Variants in SPHK2 observed in about 807,000 individuals in gnomAD.
SPHK2 encodes sphingosine kinase 2.
In SPHK2, 18 loss-of-function variants were observed where a neutral mutation model predicts 32.3. The observed-to-expected ratio is 0.56, with a 90% CI of 0.39 to 0.83. The LOEUF is 0.83. Ranked by LOEUF, SPHK2 falls within the 40% of genes least tolerant of loss-of-function variation. The pLI is 0.00. For synonymous variants in SPHK2, 462 were observed against 417.6 expected, an observed-to-expected ratio of 1.11 and a Z score of -1.30; for missense variants, 850 against 908.7, an observed-to-expected ratio of 0.94 and a Z score of 0.83.
chr19:48,621,888 C>A (rs1974419057), intron 2 of SPHK2, among the ~76,000 whole-genome samples: 1 of 152,150 alleles, frequency 6.6e-6, no homozygotes, highest in Non-Finnish European at 1.5e-5. Context: ...ACAGGGTCTT[C>A]ACGATGCCTG....
chr19:48,625,402 G>C (rs1221838561), intron 2 of SPHK2: 7 of 1,179,644 alleles, frequency 5.9e-6, no homozygotes, highest in Non-Finnish European at 7.5e-6. Context: ...CGTATGGGGG[G>C]TGGGGGTGTC....
At chr19:48,622,128 G>A (rs1974428997) in intron 2 of SPHK2, among the ~76,000 whole-genome samples, 1 of 152,162 alleles carries the variant, frequency 6.6e-6, no homozygotes, top group Non-Finnish European at 1.5e-5. Context: ...ATGGTGGCGC[G>A]CGCCTGTAGT....
rs2030178334 is a variant in SPHK2 at position 48,628,407 on chromosome 19, C to T, written c.872+130C>T. 9.8e-7 allele frequency: 1 copy of T among 1,017,614 alleles called. No homozygotes were observed. The highest frequency in any genetic ancestry group is 1.5e-6 in the Non-Finnish European group (1 of 649,362). 63.0% of individuals were successfully genotyped at this position (1,017,614 alleles called of 1,614,324 possible). A position where few individuals can be genotyped will look rare whatever the true frequency, so the allele number is the denominator to read the frequency against. ...CTGCCTGTGGGATGCTCACCCCCAGCTCCTGGACATTTTTGCCTGCCTGCT... is the reference window on the plus strand; with the variant it reads ...CTGCCTGTGGGATGCTCACCCCCAGTTCCTGGACATTTTTGCCTGCCTGCT... On this transcript the variant is annotated intron_variant, in intron 6 of 6. Coordinates refer to ENST00000245222, the MANE Select transcript of SPHK2 (RefSeq NM_020126.5). The surrounding 1 kb of genome is among the most constrained non-coding windows in gnomAD (Gnocchi z 5.2).
intron 1 of SPHK2, 132 bp from the exon 2 acceptor site, chr19:48,620,270 A>G (rs1230433442): frequency 2.0e-6 from 1 of 497,766 alleles, no homozygotes; most frequent in African/African-American, 1.9e-5. Context: ...GGCAGTGATT[A>G]AAATGACTTA....
chr19:48,629,231 C>T lies in SPHK2; in HGVS notation c.1423C>T (p.Pro475Ser), dbSNP rs1284969660. ...CCCGGACCCACTGCTGTCTTCACCTCCTGGCTCTCCCAAGGCAGCTCTACA... is the reference window on the plus strand; with the variant it reads ...CCCGGACCCACTGCTGTCTTCACCTTCTGGCTCTCCCAAGGCAGCTCTACA... ...LSPDPLLSSPPGSPKAALHSP... is the reference protein window; with the variant it reads ...LSPDPLLSSPSGSPKAALHSP... Residue 475 changes from proline (P) to serine (S), a missense_variant, in exon 7 of 7, where the codon CCT (proline) becomes TCT (serine). This residue lies in a region of SPHK2 where 306 missense variants were observed against 268.6 expected (regional missense o/e 1.14). Transcript: ENST00000245222. The T allele has an allele frequency of 1.2e-6, 2 of 1,613,486 alleles. No homozygotes were observed. Among genetic ancestry groups the T allele is most frequent in the Non-Finnish European group, 1.7e-6 (2 of 1,179,926 alleles).
At position 48,629,651 on chromosome 19, in the gene SPHK2, C is replaced by T. The variant is rs1473378925; in HGVS notation, c.1843C>T (p.Pro615Ser). 6.2e-7 allele frequency: 1 copy of T among 1,603,736 alleles called. No individual in the cohort carries two copies. The highest frequency in any genetic ancestry group is 8.5e-7 in the Non-Finnish European group (1 of 1,176,052). Residue 615 changes from proline to serine, a missense_variant, in exon 7 of 7, where the codon CCA (proline) becomes TCA (serine). Pro to Ser is a moderately conservative substitution (Grantham distance 74). This residue lies in a region of SPHK2 where 306 missense variants were observed against 268.6 expected (regional missense o/e 1.14). Coordinates refer to ENST00000245222, the MANE Select transcript of SPHK2 (RefSeq NM_020126.5). The stretch of plus-strand genomic sequence containing the variant: ...TGCCTTCCGCCTAGAGCCGCTCACA[C>T]CACGCGGCGTGCTCACAGTGGACGG... ...ARAFRLEPLTPRGVLTVDGEQ... is the reference protein window; with the variant it reads ...ARAFRLEPLTSRGVLTVDGEQ...
At chr19:48,621,100 G>A (rs2147668072) in intron 2 of SPHK2, among the ~76,000 whole-genome samples, 1 of 151,980 alleles carries the variant, frequency 6.6e-6, no homozygotes, top group South Asian at 2.1e-4. Context: ...TTATTTTGAG[G>A]TGGAGTTTCG....
Position 48,628,695 on chromosome 19 carries a change from T to A in SPHK2, c.887T>A (p.Leu296Gln), listed in dbSNP as rs1231054613. ...VNQHGGFEPA[L>Q]GLDLLLNCSL... ...CGGCTGTGAAGATTTGAGCCAGCCC[T>A]GGGCCTCGACCTGTTGCTCAACTGC... The change falls in exon 7 of 7, where the codon CTG becomes CAG. Residue 296 changes from leucine to glutamine, a missense_variant. By Grantham distance (113) the Leu-to-Gln change is moderately radical. Transcript: ENST00000245222. The surrounding 1 kb of genome is among the most constrained non-coding windows in gnomAD (Gnocchi z 5.2). 3.1e-6 allele frequency: 5 copies of A among 1,611,522 alleles called. No individual in the cohort carries two copies. The highest frequency in any genetic ancestry group is 3.4e-6 in the Non-Finnish European group (4 of 1,179,800).
At chr19:48,627,389 G>A (rs1205951491) in intron 3 of SPHK2, among the ~76,000 whole-genome samples, 1 of 152,220 alleles carries the variant, frequency 6.6e-6, no homozygotes, top group Non-Finnish European at 1.5e-5. Flanking sequence ...GCCCCTAAGG[G>A]CTGGAAGTAA....
In SPHK2 at chr19:48,629,020, C is replaced by G. The variant is rs1226150008; in HGVS notation, c.1212C>G (p.Thr404=). 1.9e-6 allele frequency: 3 copies of G among 1,613,408 alleles called. No individual in the cohort carries two copies. In the Admixed American group the frequency reaches 5.0e-5, roughly 27 times the overall value. ...LPRAKSELTL[T]PDPAPPMAHS... The stretch of plus-strand genomic sequence containing the variant: ...GTGCCAAGTCGGAGCTGACCCTAAC[C>G]CCAGACCCAGCCCCGCCCATGGCCC... The change falls in exon 7 of 7, where the codon ACC becomes ACG. Residue 404 remains threonine (T), a synonymous_variant. Coordinates refer to ENST00000245222, the MANE Select transcript of SPHK2 (RefSeq NM_020126.5).
chr19:48,620,342 C>G (rs1486143002), intron 1 of SPHK2, 60 bp from the exon 2 acceptor site: 1 of 552,510 alleles, frequency 1.8e-6, no homozygotes, highest in Non-Finnish European at 3.2e-6. Flanking sequence ...CACATTGAGC[C>G]TGGAAGGGCC....
rs759430723 is a variant in SPHK2 at position 48,628,849 on chromosome 19, C to T, written c.1041C>T (p.Ser347=). ...TCGTGTCAGATGTGGATATCCAGAG[C>T]GAGCGCTTCAGGGCCTTGGGCAGTG... is the stretch of plus-strand genomic sequence containing the variant. ...WGFVSDVDIQ[S]ERFRALGSAR... is the part of the protein sequence containing the mutation. The change falls in exon 7 of 7, where the codon AGC becomes AGT. Residue 347 remains serine (S), a synonymous_variant. Transcript: ENST00000245222. This position sits in a 1 kb window ranked among gnomAD's most constrained non-coding sequence, Gnocchi z 5.2. The T allele has an allele frequency of 3.1e-6, 5 of 1,613,652 alleles. No homozygotes were observed. Among genetic ancestry groups the T allele is most frequent in the Admixed American group, 1.7e-5 (1 of 60,012 alleles).
intron 2 of SPHK2, chr19:48,625,051 T>C: frequency 1.0e-6 from 1 of 992,148 alleles, no homozygotes. Flanking sequence ...ACCCGCTCCC[T>C]GGAGAGCAGG....
In SPHK2 at chr19:48,629,154, G is replaced by A; in HGVS notation, c.1346G>A (p.Gly449Glu). Residue 449 changes from glycine (G) to glutamate (E), a missense_variant, in exon 7 of 7, where the codon GGG becomes GAG. Around this residue, in one of 2 missense-constraint regions of SPHK2, gnomAD observed 544 missense variants for 640.0 expected, o/e 0.85. Coordinates refer to ENST00000245222, the MANE Select transcript of SPHK2 (RefSeq NM_020126.5). Reference sequence around the variant, plus strand: ...CTGCCCATCCTGTCCCTCAACGGTGGGGGCCCAGAGCTGGCTGGGGACTGG... The same window carrying A: ...CTGCCCATCCTGTCCCTCAACGGTGAGGGCCCAGAGCTGGCTGGGGACTGG... ...EPLPILSLNG[G>E]GPELAGDWGG... 6.2e-7 allele frequency: 1 copy of A among 1,613,434 alleles called. No homozygotes were observed. The highest frequency in any genetic ancestry group is 1.7e-5 in the Admixed American group (1 of 60,026).
chr19:48,628,699 C>T lies in SPHK2; in HGVS notation c.891C>T (p.Gly297=), dbSNP rs772364910. 45 of 1,611,794 alleles carry T rather than the reference C, an allele frequency of 2.8e-5. No individual in the cohort carries two copies. The Middle Eastern group carries it at 8.2e-4, about 29-fold the overall frequency. ...NQHGGFEPAL[G]LDLLLNCSLL... ...TGTGAAGATTTGAGCCAGCCCTGGG[C>T]CTCGACCTGTTGCTCAACTGCTCAC... is the stretch of plus-strand genomic sequence containing the variant. Residue 297 remains glycine (G), a synonymous_variant, in exon 7 of 7, where the codon GGC becomes GGT. Transcript: ENST00000245222. This position sits in a 1 kb window ranked among gnomAD's most constrained non-coding sequence, Gnocchi z 5.2.
At chr19:48,627,160 A>G (rs913721962) in intron 3 of SPHK2, among the ~76,000 whole-genome samples, 1 of 152,218 alleles carries the variant, frequency 6.6e-6, no homozygotes, top group Non-Finnish European at 1.5e-5. Flanking sequence ...ACAAAAACGC[A>G]GGCAGAGAAA....
rs745982101 is a variant in SPHK2, at chr19:48,630,129, C to T, written c.*356C>T. ...TTTACGCGTCGCCCAATGACAGGACCTGGAATGTACTGGCTGGGGTAGGCC... is the reference window on the plus strand; with the variant it reads ...TTTACGCGTCGCCCAATGACAGGACTTGGAATGTACTGGCTGGGGTAGGCC... On this transcript the variant is annotated 3_prime_UTR_variant, in exon 7 of 7. Coordinates refer to ENST00000245222, the MANE Select transcript of SPHK2 (RefSeq NM_020126.5). This position sits in a 1 kb window ranked among gnomAD's most constrained non-coding sequence, Gnocchi z 4.9. 3.2e-6 allele frequency: 4 copies of T among 1,255,802 alleles called. No individual in the cohort carries two copies. The highest frequency in any genetic ancestry group is 4.0e-6 in the Non-Finnish European group (4 of 998,560). The allele number at this position is 1,255,802 out of a possible 1,614,324, so 77.8% of individuals were successfully genotyped here.
At position 48,629,777 on chromosome 19, in the gene SPHK2, T is replaced by C; in HGVS notation, c.*4T>C. 1 of 1,558,150 alleles carries C rather than the reference T, an allele frequency of 6.4e-7. No individual in the cohort carries two copies. Among genetic ancestry groups the C allele is most frequent in the Non-Finnish European group, 8.7e-7 (1 of 1,149,612 alleles). ...CTGCCCGGGGCGGGAGCCCTGAAAC[T>C]AAACAAGCTTGGTACCCGCCGGGGG... On this transcript the variant is annotated 3_prime_UTR_variant, in exon 7 of 7. Coordinates refer to ENST00000245222, the MANE Select transcript of SPHK2 (RefSeq NM_020126.5).
At position 48,629,317 on chromosome 19, in the gene SPHK2, C is replaced by A. The variant is rs144678011; in HGVS notation, c.1509C>A (p.Thr503=). Residue 503 remains threonine, a synonymous_variant, in exon 7 of 7, where the codon ACC becomes ACA. Coordinates refer to ENST00000245222, the MANE Select transcript of SPHK2 (RefSeq NM_020126.5). ...CATCCTCTGGGCTCCCACTTCCCAC[C>A]CCTGATGCCCGGGTAGGGGCCTCCA... The part of the protein sequence containing the change: ...IPPSSGLPLP[T]PDARVGASTC... 2 of 1,613,350 alleles carry A rather than the reference C, an allele frequency of 1.2e-6. No homozygotes were observed. The highest frequency in any genetic ancestry group is 1.7e-5 in the Admixed American group (1 of 60,032).
Sources: allele counts gnomAD v4.1 joint callset (sites outside exome capture counted in the v4.1 genomes callset), GRCh38; gene constraint gnomAD v4.1.1; regional missense constraint gnomAD v4.1.1; non-coding constraint Gnocchi (gnomAD v3.1); transcripts MANE v1.5; gene names NCBI Gene and HGNC (gene_info 2026-07-23, HGNC 2026-07-21).